Variants in PIGZ observed in about 807,000 individuals in gnomAD.
PIGZ encodes the protein GPI alpha-1,2-mannosyltransferase 4.
In PIGZ, 16 loss-of-function variants were observed where a neutral mutation model predicts 16.4. That is an observed-to-expected ratio of 0.97 (90% CI 0.66 to 1.48). The LOEUF is 1.48. PIGZ is among the 40% of genes most tolerant of loss of function. The pLI is 0.00. For synonymous variants in PIGZ, 409 were observed against 338.4 expected (o/e 1.21, Z -2.29); for missense variants, 770 against 739.2 (o/e 1.04, Z -0.48).
intron 1 of PIGZ, among the ~76,000 whole-genome samples, chr3:196,955,576 C>CTTTTTTTTTTTTTTT (rs56983600): frequency 7.1e-5 from 3 of 42,552 alleles, no homozygotes; most frequent in Non-Finnish European, 8.7e-5. Flanking sequence ...TTCTTTCTTT[C>CTTTTTTTTTTTTTTT]TTTTTTTTTT....
intron 1 of PIGZ, among the ~76,000 whole-genome samples, chr3:196,963,436 C>A (rs1171301934): frequency 6.6e-6 from 1 of 152,212 alleles, no homozygotes; most frequent in Non-Finnish European, 1.5e-5. Context: ...ACGGTTCTAA[C>A]CAACACTTGT....
At position 196,965,955 on chromosome 3, in the gene PIGZ, G is replaced by T. The variant is rs1031101588; in HGVS notation, c.-1+2732C>A. On this transcript the variant is annotated intron_variant, in intron 1 of 2. Transcript: ENST00000412723. The surrounding 1 kb of genome is among the most constrained non-coding windows in gnomAD (Gnocchi z 4.2). ...TCCCCTGTGAGAAACCTCTGGATGG[G>T]GGGCCATCCCCTCACCACCCTGAGG... Among the ~76,000 whole-genome samples the T allele has an allele frequency of 6.6e-6, 1 of 152,156 alleles. No homozygotes were observed. The highest frequency in any genetic ancestry group is 1.5e-5 in the Non-Finnish European group (1 of 68,032).
intron 1 of PIGZ, among the ~76,000 whole-genome samples, chr3:196,958,902 G>A (rs1005350245): frequency 4.6e-5 from 7 of 152,072 alleles, no homozygotes; most frequent in African/African-American, 1.7e-4. Flanking sequence ...TTGGGGGAGG[G>A]GGGCAGGAAA....
Position 196,965,552 on chromosome 3 carries a change from C to A in PIGZ, c.-1+3135G>T, listed in dbSNP as rs1263258134. On this transcript the variant is annotated intron_variant, in intron 1 of 2. Coordinates refer to ENST00000412723, the MANE Select transcript of PIGZ (RefSeq NM_025163.4). The surrounding 1 kb of genome is among the most constrained non-coding windows in gnomAD (Gnocchi z 4.2). ...GGGCTATCTCCCTCCTCCTTTGTCC[C>A]TGCACTACGTAATGCCAACGTTGCT... Among the ~76,000 whole-genome samples the A allele has an allele frequency of 6.6e-6, 1 of 152,192 alleles. No homozygotes were observed. The highest frequency in any genetic ancestry group is 1.5e-5 in the Non-Finnish European group (1 of 68,038).
chr3:196,960,685 GATGAAAGAAAGAAAGAAGAAAGGA>G (rs1335603572), intron 1 of PIGZ, among the ~76,000 whole-genome samples: 1 of 128,692 alleles, frequency 7.8e-6, no homozygotes, highest in Non-Finnish European at 1.7e-5. Flanking sequence ...AAAGAAAAAA[GATGAAAGAAAGAAAGAAGAAAGGA>G]AGGAAGGAAA....
intron 1 of PIGZ, among the ~76,000 whole-genome samples, chr3:196,964,818 C>T (rs1433178717): frequency 2.6e-5 from 4 of 152,168 alleles, no homozygotes; most frequent in Admixed American, 6.5e-5. Context: ...CTCATTGCAA[C>T]CTCTGCCTCC....
At chr3:196,951,591 A>C in intron 2 of PIGZ, 1 of 582,558 alleles carries the variant, frequency 1.7e-6, no homozygotes, top group African/African-American at 1.9e-5. Context: ...GGATACATCA[A>C]AGAGACTGGT....
Position 196,949,126 on chromosome 3 carries a change from G to A in PIGZ, c.212-441C>T, listed in dbSNP as rs116839911. On this transcript the variant is annotated intron_variant, in intron 2 of 2. Coordinates refer to ENST00000412723, the MANE Select transcript of PIGZ (RefSeq NM_025163.4). The stretch of plus-strand genomic sequence containing the variant: ...GTGCGGTGGCGAGATCACAGCTCTC[G>A]CTATGTTACTCAGGCTGATCTCAGA... Among the ~76,000 whole-genome samples the A allele has an allele frequency of 4.5e-3, 658 of 147,688 alleles. 6 individuals carry two copies. Among genetic ancestry groups the A allele is most frequent in the African/African-American group, 0.015 (603 of 39,852 alleles).
intron 2 of PIGZ, among the ~76,000 whole-genome samples, chr3:196,950,288 GA>G (rs145978025): frequency 0.051 from 7,691 of 152,204 alleles, 634 homozygotes; most frequent in African/African-American, 0.18. Flanking sequence ...CCCTGCCTAT[GA>G]TACTTAAATT....
At chr3:196,960,735 A>G (rs1560188774) in intron 1 of PIGZ, among the ~76,000 whole-genome samples, 2 of 55,690 alleles carry the variant, frequency 3.6e-5, no homozygotes, top group African/African-American at 1.7e-4. Context: ...AAAAGAAAGA[A>G]AGAGAAAGAA....
At chr3:196,964,417 G>C (rs188507762) in intron 1 of PIGZ, among the ~76,000 whole-genome samples, 328 of 151,342 alleles carry the variant, frequency 2.2e-3, no homozygotes, top group Admixed American at 5.0e-3. Context: ...AGGTGCAGTG[G>C]CACGATCTTG....
At chr3:196,967,041 A>G (rs1717958303) in intron 1 of PIGZ, among the ~76,000 whole-genome samples, 1 of 151,612 alleles carries the variant, frequency 6.6e-6, no homozygotes, top group South Asian at 2.1e-4. Context: ...GAGAATGTGT[A>G]GGGCAAGCAG....
chr3:196,953,990 CAA>C (rs11295143), intron 1 of PIGZ, among the ~76,000 whole-genome samples: 4 of 145,408 alleles, frequency 2.8e-5, no homozygotes, highest in South Asian at 2.2e-4. Context: ...AAGACCCTGT[CAA>C]AAAAAAAAAG....
rs578085219 is a variant in PIGZ, at chr3:196,948,889, C to CCTT, written c.212-205_212-204insAAG. 1.3e-3 allele frequency among the ~76,000 whole-genome samples: 16 copies of CCTT among 12,410 alleles called. 1 individual carries two copies. Among genetic ancestry groups the CCTT allele is most frequent in the South Asian group, 3.3e-3 (2 of 604 alleles). The allele number at this position is 12,410 out of a possible 152,430, so 8.1% of individuals were successfully genotyped here. A position where few individuals can be genotyped will look rare whatever the true frequency, so the allele number is the denominator to read the frequency against. On this transcript the variant is annotated intron_variant, in intron 2 of 2. Transcript: ENST00000412723. ...TTCCCTTCCTTCCTTCCCTTCCTTC[C>CCTT]CCTTCCTTCCCTTCCCCTCCCCTCC...
Position 196,947,847 on chromosome 3 carries a change from T to C in PIGZ, c.1050A>G (p.Gln350=). 1.2e-6 allele frequency: 2 copies of C among 1,613,004 alleles called. No homozygotes were observed. Among genetic ancestry groups the C allele is most frequent in the Non-Finnish European group, 1.7e-6 (2 of 1,179,262 alleles). ...CACCCAGTGCCCTCAGGAGGCCCAT[T>C]TGTGCAGAGGCCTGGAGGCCGACTT... is the stretch of plus-strand genomic sequence containing the variant. ...RLQVGLQASA[Q]MGLLRALGAR... The change falls in exon 3 of 3, where the codon CAA becomes CAG. Residue 350 remains glutamine, a synonymous_variant. Coordinates refer to ENST00000412723, the MANE Select transcript of PIGZ (RefSeq NM_025163.4).
Position 196,947,574 on chromosome 3 carries a change from G to A in PIGZ, c.1323C>T (p.Tyr441=), listed in dbSNP as rs1359233038. 3 of 1,613,878 alleles carry A rather than the reference G, an allele frequency of 1.9e-6. No individual in the cohort carries two copies. Among genetic ancestry groups the A allele is most frequent in the Admixed American group, 1.7e-5 (1 of 60,022 alleles). The change falls in exon 3 of 3, where the codon TAC becomes TAT. Residue 441 remains tyrosine (Y), a synonymous_variant. Coordinates refer to ENST00000412723, the MANE Select transcript of PIGZ (RefSeq NM_025163.4). ...CAGGGGCATGGACCACCTGCTCCAG[G>A]TACTCCAGGCCAGGCACCAGGCCCC... ...HQGGLVPGLE[Y]LEQVVHAPVL...
chr3:196,954,308 T>G (rs1440779789), intron 1 of PIGZ, among the ~76,000 whole-genome samples: 1 of 152,156 alleles, frequency 6.6e-6, no homozygotes, highest in African/African-American at 2.4e-5. Flanking sequence ...AAAGTTTTTT[T>G]TAAAAAGAAA....
chr3:196,948,842 T>C (rs574917548), intron 2 of PIGZ, among the ~76,000 whole-genome samples, 157 bp from the exon 3 acceptor site: 42 of 128,104 alleles, frequency 3.3e-4, no homozygotes, highest in African/African-American at 1.3e-3. Flanking sequence ...TCCCTCCCTC[T>C]CTCCCTCCTT....
At chr3:196,954,385 T>G (rs1400710181) in intron 1 of PIGZ, among the ~76,000 whole-genome samples, 1 of 152,244 alleles carries the variant, frequency 6.6e-6, no homozygotes, top group African/African-American at 2.4e-5. Context: ...TAACTGTAGT[T>G]TGTACTGTAG....
Sources: allele counts gnomAD v4.1 joint callset (sites outside exome capture counted in the v4.1 genomes callset), GRCh38; gene constraint gnomAD v4.1.1; non-coding constraint Gnocchi (gnomAD v3.1); transcripts MANE v1.5; gene names NCBI Gene and HGNC (gene_info 2026-07-23, HGNC 2026-07-21).